Variants in UBE3B observed in about 807,000 individuals in gnomAD.
The protein encoded by UBE3B is ubiquitin-protein ligase E3B.
In UBE3B, 80 loss-of-function variants were observed where a neutral mutation model predicts 132.3. The ratio of observed to expected loss-of-function variants is 0.60; its 90% confidence interval spans 0.50 to 0.73. The LOEUF is 0.73. Ranked by LOEUF, UBE3B falls within the 30% of genes least tolerant of loss-of-function variation. UBE3B has a pLI of 0.00. For missense variants in UBE3B, 1,196 were observed against 1,362.5 expected, an observed-to-expected ratio of 0.88 and a Z score of 1.92; for synonymous variants, 487 against 520.4, an observed-to-expected ratio of 0.94 and a Z score of 0.87.
intron 9 of UBE3B, among the ~76,000 whole-genome samples, chr12:109,494,033 C>G (rs1002464276): frequency 3.9e-5 from 6 of 152,076 alleles, no homozygotes; most frequent in Admixed American, 3.3e-4. Flanking sequence ...ACTATATTGC[C>G]CAGGCTGGTC....
chr12:109,480,213 T>C (rs1875133072), intron 1 of UBE3B, among the ~76,000 whole-genome samples: 1 of 151,636 alleles, frequency 6.6e-6, no homozygotes, highest in South Asian at 2.1e-4. Flanking sequence ...TTAATCCTTG[T>C]GTCTATAAAA....
chr12:109,533,742 C>G (rs1322208578), intron 27 of UBE3B, 184 bp downstream of exon 27: 3 of 826,888 alleles, frequency 3.6e-6, no homozygotes. Flanking sequence ...CCCAGAGAGA[C>G]TGCCCACGGA....
intron 1 of UBE3B, among the ~76,000 whole-genome samples, chr12:109,481,313 C>CAAA (rs34653918): frequency 6.5e-5 from 8 of 122,230 alleles, no homozygotes; most frequent in Non-Finnish European, 1.0e-4. Context: ...GAGACTATCT[C>CAAA]AAAAAAAAAA....
chr12:109,498,820 GT>G (rs967870966), intron 11 of UBE3B, among the ~76,000 whole-genome samples: 1 of 150,954 alleles, frequency 6.6e-6, no homozygotes, highest in African/African-American at 2.4e-5. Context: ...GATAGGAAAA[GT>G]TTTTTTTGTT....
At position 109,521,905 on chromosome 12, in the gene UBE3B, C is replaced by G. The variant is rs922859419; in HGVS notation, c.2364+354C>G. Among the ~76,000 whole-genome samples, 2 of 152,186 alleles carry G rather than the reference C, an allele frequency of 1.3e-5. No individual in the cohort carries two copies. Among genetic ancestry groups the G allele is most frequent in the Non-Finnish European group, 2.9e-5 (2 of 68,034 alleles). On this transcript the variant is annotated intron_variant, in intron 21 of 27. Coordinates refer to ENST00000342494, the MANE Select transcript of UBE3B (RefSeq NM_130466.4). The surrounding 1 kb of genome is among the most constrained non-coding windows in gnomAD (Gnocchi z 4.2). ...GTCCTAAGGCCAGCCCTCTTCTTTC[C>G]TGAGGCATGAGGAGTGGTGTGCAGA...
intron 25 of UBE3B, 107 bp from the exon 26 acceptor site, chr12:109,530,440 C>T (rs1882826917): frequency 3.4e-6 from 3 of 884,518 alleles, no homozygotes; most frequent in Non-Finnish European, 5.4e-6. Flanking sequence ...AGTAGTGTTC[C>T]CCAGGCCTGC....
chr12:109,516,450 T>C (rs1881068362), intron 18 of UBE3B, among the ~76,000 whole-genome samples: 1 of 152,210 alleles, frequency 6.6e-6, no homozygotes, highest in Non-Finnish European at 1.5e-5. Context: ...GTGCTGGGAT[T>C]ACAGGCGTGA....
intron 18 of UBE3B, among the ~76,000 whole-genome samples, chr12:109,515,685 G>T (rs547572406): frequency 1.4e-3 from 206 of 152,252 alleles, no homozygotes; most frequent in African/African-American, 4.8e-3. Flanking sequence ...GTTCTTATTT[G>T]TATTTAATAA....
At chr12:109,546,615 GC>G in the UBE3B span, among the ~76,000 whole-genome samples, 2 of 152,240 alleles carry the variant, frequency 1.3e-5, no homozygotes, top group African/African-American at 4.8e-5. Context: ...AGTAGACTGG[GC>G]AAGGCACTGA....
Position 109,483,565 on chromosome 12 carries a change from C to T in UBE3B, c.14C>T (p.Ser5Phe), listed in dbSNP as rs947630776. The stretch of plus-strand genomic sequence containing the variant: ...AAGTTTGCAAACATGTTCACCCTGT[C>T]TCAGACCTCGAGAGCATGGTTCATC... The part of the protein sequence containing the change: MFTL[S>F]QTSRAWFIDR... The change falls in exon 3 of 28, where the codon TCT becomes TTT. Residue 5 changes from serine to phenylalanine, a missense_variant. Physicochemically the swap from Ser to Phe is radical, Grantham distance 155 (BLOSUM62 -2). Coordinates refer to ENST00000342494, the MANE Select transcript of UBE3B (RefSeq NM_130466.4). The T allele has an allele frequency of 6.3e-6, 10 of 1,585,718 alleles. No homozygotes were observed. Among genetic ancestry groups the T allele is most frequent in the Non-Finnish European group, 8.5e-6 (10 of 1,170,302 alleles).
In UBE3B at chr12:109,495,540, A is replaced by C. The variant is rs375063722; in HGVS notation, c.714-2278A>C. Among the ~76,000 whole-genome samples the C allele has an allele frequency of 2.6e-5, 4 of 152,340 alleles. No homozygotes were observed. In the South Asian group the frequency reaches 6.2e-4, roughly 24 times the overall value. On this transcript the variant is annotated intron_variant, in intron 9 of 27. Coordinates refer to ENST00000342494, the MANE Select transcript of UBE3B (RefSeq NM_130466.4). ...CAGCGGCACTAGAGGAATTAAAGAC[A>C]CACACACAGAAATATAGAGGTGTGG...
intron 9 of UBE3B, among the ~76,000 whole-genome samples, chr12:109,496,326 A>G (rs776947244): frequency 2.6e-5 from 4 of 152,222 alleles, no homozygotes; most frequent in African/African-American, 4.8e-5. Context: ...GGCTATTATA[A>G]ATAGTGCTGC....
intron 9 of UBE3B, chr12:109,492,134 C>T (rs1310045372): frequency 1.3e-5 from 2 of 152,212 alleles, no homozygotes; most frequent in Non-Finnish European, 2.9e-5. Context: ...ATGAGCATGA[C>T]TGTGTTCCAG....
intron 1 of UBE3B, among the ~76,000 whole-genome samples, chr12:109,478,707 G>C (rs1287161892): frequency 6.6e-6 from 1 of 152,226 alleles, no homozygotes; most frequent in Non-Finnish European, 1.5e-5. Flanking sequence ...CTTGAACCTG[G>C]GAGGCGGAGG....
intron 4 of UBE3B, among the ~76,000 whole-genome samples, chr12:109,484,694 A>ATTT (rs1207696151): frequency 7.9e-6 from 1 of 126,846 alleles, no homozygotes. Context: ...CCAGCCTCTG[A>ATTT]TTTTTTTTTT....
rs1270292568 is a variant in UBE3B, at chr12:109,524,016, G to C, written c.2403G>C (p.Leu801=). The C allele has an allele frequency of 3.1e-6, 5 of 1,614,014 alleles. No individual in the cohort carries two copies. Among genetic ancestry groups the C allele is most frequent in the Non-Finnish European group, 4.2e-6 (5 of 1,180,044 alleles). ...VVDVPFASFF[L]SQLLGHHHSV... ...ACGTGCCATTTGCATCCTTCTTCCT[G>C]AGCCAACTGCTTGGGCACCACCACA... Residue 801 remains leucine (L), a synonymous_variant, in exon 22 of 28, where the codon CTG becomes CTC. Coordinates refer to ENST00000342494, the MANE Select transcript of UBE3B (RefSeq NM_130466.4).
chr12:109,486,476 G>A lies in UBE3B; in HGVS notation c.348G>A (p.Trp116Ter). 6.3e-7 allele frequency: 1 copy of A among 1,586,410 alleles called. No homozygotes were observed. The highest frequency in any genetic ancestry group is 8.6e-7 in the Non-Finnish European group (1 of 1,166,686). Reference sequence around the variant, plus strand: ...CCTCTTTTTCCCACCTATAGGTGTGGTATGTGTCCCTGGCTTGTTCTAAGG... The same window carrying A: ...CCTCTTTTTCCCACCTATAGGTGTGATATGTGTCCCTGGCTTGTTCTAAGG... ...SMDAENEPKV[W>*]YVSLACSKDL... Residue 116 changes from tryptophan (W) to a stop codon, truncating the protein, a stop_gained, in exon 6 of 28, where the codon TGG becomes TGA. Transcript: ENST00000342494. LOFTEE classifies it high-confidence loss of function.
At chr12:109,540,453 C>T (rs1015518106), downstream of UBE3B, among the ~76,000 whole-genome samples, 3 of 152,212 alleles carry the variant, frequency 2.0e-5, no homozygotes, top group Non-Finnish European at 4.4e-5. Context: ...TCAAGCAATC[C>T]ACCTGCCTTG....
At chr12:109,509,160 C>T (rs1880045389) in intron 15 of UBE3B, 1 of 152,748 alleles carries the variant, frequency 6.5e-6, no homozygotes, top group South Asian at 2.1e-4. Context: ...ACAGTACCAC[C>T]TCACAGCCAG....
Sources: gnomAD v4.1 joint callset for allele counts (sites outside exome capture counted in the v4.1 genomes callset) on GRCh38, gnomAD v4.1.1 for gene constraint, Gnocchi (gnomAD v3.1) non-coding constraint, MANE v1.5 for transcripts, NCBI Gene and HGNC (gene_info 2026-07-23, HGNC 2026-07-21) for gene names.